Variants in VDAC1 observed in about 807,000 individuals in gnomAD.
The protein encoded by VDAC1 is voltage dependent anion channel 1.
Under a neutral mutation model 34.7 loss-of-function variants are expected in VDAC1, and 10 were observed. That is an observed-to-expected ratio of 0.29 (90% CI 0.18 to 0.49). The LOEUF (loss-of-function observed/expected upper bound fraction) is 0.49, where lower values mean the gene tolerates loss of function less well. VDAC1 is among the 20% of genes least tolerant of loss of function. VDAC1 has a pLI of 0.99. For missense variants in VDAC1, 230 were observed against 347.9 expected (o/e 0.66, Z 2.69); for synonymous variants, 130 against 136.0 (o/e 0.96, Z 0.30).
At chr5:134,059,539 C>A in the VDAC1 span, among the ~76,000 whole-genome samples, 1 of 152,128 alleles carries the variant, frequency 6.6e-6, no homozygotes, top group African/African-American at 2.4e-5. Context: ...GGCCAGGAAG[C>A]TAGAAGCCCG....
chr5:134,036,173 G>GA, the VDAC1 span, among the ~76,000 whole-genome samples: 1 of 152,044 alleles, frequency 6.6e-6, no homozygotes, highest in East Asian at 1.9e-4. Flanking sequence ...ATTACAAACA[G>GA]AAAAAATAGT....
At chr5:134,106,325 A>G in the VDAC1 span, among the ~76,000 whole-genome samples, 1 of 152,160 alleles carries the variant, frequency 6.6e-6, no homozygotes, top group Non-Finnish European at 1.5e-5. Flanking sequence ...TTTAACAAAC[A>G]CAGGACCACA....
the VDAC1 span, among the ~76,000 whole-genome samples, chr5:134,042,730 G>A: frequency 2.5e-3 from 375 of 152,248 alleles, 12 homozygotes; most frequent in East Asian, 0.059. Flanking sequence ...CAAGTGACCC[G>A]CCTGCTTCAG....
the VDAC1 span, among the ~76,000 whole-genome samples, chr5:134,043,844 T>G: frequency 2.0e-5 from 3 of 152,162 alleles, no homozygotes; most frequent in Non-Finnish European, 2.9e-5. Context: ...AGGTAGACTT[T>G]TATCCAGTGC....
the VDAC1 span, among the ~76,000 whole-genome samples, chr5:134,062,469 C>T: frequency 6.6e-6 from 1 of 151,722 alleles, no homozygotes; most frequent in Admixed American, 6.6e-5. Context: ...TTTGCTAATA[C>T]ATTTAGGAAG....
chr5:134,039,495 ATT>A, the VDAC1 span, among the ~76,000 whole-genome samples: 1 of 116,946 alleles, frequency 8.6e-6, no homozygotes, highest in South Asian at 2.9e-4. Flanking sequence ...CGCCCGGCTA[ATT>A]TTTTGTATTT....
the VDAC1 span, among the ~76,000 whole-genome samples, chr5:134,016,312 A>G: frequency 3.3e-5 from 5 of 152,066 alleles, no homozygotes; most frequent in Non-Finnish European, 7.4e-5. Context: ...TGTGATGGGG[A>G]GTGGGTGTTG....
intron 1 of VDAC1, among the ~76,000 whole-genome samples, chr5:134,002,660 G>A (rs1753603137): frequency 6.6e-6 from 1 of 152,202 alleles, no homozygotes; most frequent in African/African-American, 2.4e-5. Context: ...TGAGATGTCT[G>A]TGTCCCTCAA....
At chr5:134,054,634 G>C in the VDAC1 span, among the ~76,000 whole-genome samples, 2 of 151,618 alleles carry the variant, frequency 1.3e-5, no homozygotes, top group Non-Finnish European at 2.9e-5. Context: ...TAATTTTTTT[G>C]TATTTTTGTA....
chr5:134,046,210 A>G, the VDAC1 span, among the ~76,000 whole-genome samples: 1 of 151,168 alleles, frequency 6.6e-6, no homozygotes, highest in Non-Finnish European at 1.5e-5. Context: ...TCTATTTTTT[A>G]GTAGAGACGG....
chr5:134,041,848 G>A, the VDAC1 span, among the ~76,000 whole-genome samples: 1 of 152,096 alleles, frequency 6.6e-6, no homozygotes, highest in African/African-American at 2.4e-5. Flanking sequence ...CCAGAGTAAG[G>A]CGCCATCCTG....
chr5:134,035,035 G>A, the VDAC1 span, among the ~76,000 whole-genome samples: 1 of 151,992 alleles, frequency 6.6e-6, no homozygotes, highest in Non-Finnish European at 1.5e-5. Context: ...AGAGGGCCTA[G>A]GAGCAACGAC....
chr5:134,101,327 C>T, the VDAC1 span, among the ~76,000 whole-genome samples: 2 of 151,246 alleles, frequency 1.3e-5, no homozygotes, highest in Non-Finnish European at 3.0e-5. Flanking sequence ...CGGTGGCTCA[C>T]GCCTGTAATC....
At chr5:134,011,161 AT>A in the VDAC1 span, among the ~76,000 whole-genome samples, 25 of 151,492 alleles carry the variant, frequency 1.7e-4, no homozygotes, top group East Asian at 4.7e-3. Flanking sequence ...CTCTGCCCAC[AT>A]TTTTTTCTTT....
At chr5:134,064,091 G>T in the VDAC1 span, among the ~76,000 whole-genome samples, 7 of 148,510 alleles carry the variant, frequency 4.7e-5, no homozygotes, top group Admixed American at 4.8e-4. Flanking sequence ...TCCTGCCTCA[G>T]CTTCTCAAAG....
At chr5:134,016,687 G>A in the VDAC1 span, among the ~76,000 whole-genome samples, 1 of 152,190 alleles carries the variant, frequency 6.6e-6, no homozygotes, top group African/African-American at 2.4e-5. Context: ...AGGACAGGGA[G>A]CATGAAAAAT....
chr5:134,057,676 C>A, the VDAC1 span, among the ~76,000 whole-genome samples: 2 of 147,096 alleles, frequency 1.4e-5, no homozygotes, highest in Non-Finnish European at 3.0e-5. Context: ...GAAACAAGAG[C>A]GAAACTCCAT....
chr5:134,102,168 G>C, the VDAC1 span, among the ~76,000 whole-genome samples: 5 of 152,004 alleles, frequency 3.3e-5, no homozygotes, highest in African/African-American at 4.8e-5. Flanking sequence ...CAGCCACCAG[G>C]GGGGGTCTGT....
the VDAC1 span, among the ~76,000 whole-genome samples, chr5:134,079,674 A>G: frequency 6.6e-6 from 1 of 152,192 alleles, no homozygotes; most frequent in Non-Finnish European, 1.5e-5. Flanking sequence ...CTTTGTTTGC[A>G]AAGCCTTAGA....
Sources: allele counts gnomAD v4.1 joint callset (sites outside exome capture counted in the v4.1 genomes callset), GRCh38; gene constraint gnomAD v4.1.1; transcripts MANE v1.5; gene names NCBI Gene and HGNC (gene_info 2026-07-23, HGNC 2026-07-21).